The following FHIT variants were observed in gnomAD, a reference collection of about 807,000 sequenced individuals.
The protein encoded by FHIT is bis(5'-adenosyl)-triphosphatase.
A neutral mutation model predicts 17.9 loss-of-function variants in FHIT; 19 were observed. That is an observed-to-expected ratio of 1.06 (90% CI 0.74 to 1.56). The LOEUF (loss-of-function observed/expected upper bound fraction) is 1.56, where lower values mean the gene tolerates loss of function less well. FHIT is among the 40% of genes most tolerant of loss of function. The probability of loss-of-function intolerance (pLI) is 0.00; values close to 1 mark genes in which losing one functional copy is unlikely to be tolerated. For synonymous variants in FHIT, 81 were observed against 69.7 expected, an observed-to-expected ratio of 1.16 and a Z score of -0.81; for missense variants, 248 against 189.2, an observed-to-expected ratio of 1.31 and a Z score of -1.82.
intron 3 of FHIT, among the ~76,000 whole-genome samples, chr3:60,879,367 G>C (rs1255646197): frequency 6.6e-6 from 1 of 152,182 alleles, no homozygotes; most frequent in Non-Finnish European, 1.5e-5. Context: ...TGGAAACAAA[G>C]TCACCACACT....
At chr3:60,865,031 T>C (rs1445997503) in intron 3 of FHIT, among the ~76,000 whole-genome samples, 2 of 151,842 alleles carry the variant, frequency 1.3e-5, no homozygotes, top group African/African-American at 4.8e-5. Context: ...TAAATCATAA[T>C]AAAATAAAAT....
chr3:60,169,862 T>A (rs571261148), intron 5 of FHIT, among the ~76,000 whole-genome samples: 1 of 152,160 alleles, frequency 6.6e-6, no homozygotes, highest in African/African-American at 2.4e-5. Context: ...GGAGGTAGAA[T>A]AAAAATGGAA....
chr3:60,700,311 C>A (rs2041216402), intron 4 of FHIT, among the ~76,000 whole-genome samples: 1 of 152,106 alleles, frequency 6.6e-6, no homozygotes, highest in Admixed American at 6.6e-5. Context: ...CCAGTACATA[C>A]AAACAGGTTT....
chr3:60,220,421 G>T (rs1703908363), intron 5 of FHIT, among the ~76,000 whole-genome samples: 2 of 151,774 alleles, frequency 1.3e-5, no homozygotes, highest in Admixed American at 6.6e-5. Context: ...TGGAAATAAT[G>T]CCCAAGAGAT....
chr3:60,780,289 AAG>A, intron 4 of FHIT, among the ~76,000 whole-genome samples: 1 of 152,100 alleles, frequency 6.6e-6, no homozygotes, highest in East Asian at 1.9e-4. Context: ...TCCATACTAC[AAG>A]GCACTCTCCT....
At chr3:60,495,271 G>A (rs1280982051) in intron 5 of FHIT, among the ~76,000 whole-genome samples, 1 of 151,938 alleles carries the variant, frequency 6.6e-6, no homozygotes, top group Non-Finnish European at 1.5e-5. Flanking sequence ...TTTAGTGTAT[G>A]GTTTCTTTCA....
At chr3:60,514,252 T>C (rs748632427) in intron 5 of FHIT, among the ~76,000 whole-genome samples, 2 of 152,246 alleles carry the variant, frequency 1.3e-5, no homozygotes, top group Non-Finnish European at 2.9e-5. Context: ...TGTCTGTGGA[T>C]GGCAAGGCTA....
At chr3:60,646,489 A>G (rs1005727368) in intron 4 of FHIT, among the ~76,000 whole-genome samples, 12 of 152,288 alleles carry the variant, frequency 7.9e-5, no homozygotes, top group Middle Eastern at 3.4e-3. Flanking sequence ...TTCACAATAA[A>G]ATGACATTTT....
At chr3:59,752,409 A>C (rs531412257) in intron 8 of FHIT, 88 bp from the exon 9 acceptor site, 2 of 895,108 alleles carry the variant, frequency 2.2e-6, no homozygotes, top group East Asian at 2.6e-5. Context: ...AGACTGAACA[A>C]AATTTGCAAA....
chr3:61,148,103 T>C (rs1448646888), intron 2 of FHIT, among the ~76,000 whole-genome samples: 1 of 151,812 alleles, frequency 6.6e-6, no homozygotes, highest in African/African-American at 2.4e-5. Flanking sequence ...AAGTTATTTA[T>C]GTGATGAGAC....
intron 5 of FHIT, among the ~76,000 whole-genome samples, chr3:60,063,911 G>T (rs1402088819): frequency 6.6e-6 from 1 of 152,126 alleles, no homozygotes; most frequent in Non-Finnish European, 1.5e-5. Flanking sequence ...AGAATAATGA[G>T]GTAGGTCTGC....
chr3:59,765,628 G>C (rs1360651746), intron 8 of FHIT, among the ~76,000 whole-genome samples: 1 of 152,218 alleles, frequency 6.6e-6, no homozygotes. Flanking sequence ...TCCCAGGATT[G>C]CTCTGGCATT....
At chr3:60,465,456 T>A (rs2032732062) in intron 5 of FHIT, among the ~76,000 whole-genome samples, 2 of 152,244 alleles carry the variant, frequency 1.3e-5, no homozygotes, top group South Asian at 4.1e-4. Flanking sequence ...ACTCAAGAAA[T>A]CTTTGCCAAG....
At chr3:60,958,142 T>C (rs1304554739) in intron 3 of FHIT, among the ~76,000 whole-genome samples, 1 of 152,220 alleles carries the variant, frequency 6.6e-6, no homozygotes, top group Non-Finnish European at 1.5e-5. Flanking sequence ...CTTTCAAGAA[T>C]CTGTGCTTAT....
At chr3:60,626,883 T>C (rs2039304085) in intron 4 of FHIT, among the ~76,000 whole-genome samples, 1 of 151,962 alleles carries the variant, frequency 6.6e-6, no homozygotes, top group South Asian at 2.1e-4. Flanking sequence ...TTCTATTTCC[T>C]TGAGTGTTTT....
intron 7 of FHIT, among the ~76,000 whole-genome samples, chr3:59,986,690 T>C (rs1708946638): frequency 1.6e-4 from 2 of 12,654 alleles, no homozygotes; most frequent in South Asian, 4.2e-3. Flanking sequence ...ACATATTTAG[T>C]TTTATATATA....
chr3:59,857,954 C>T (rs1203919719), intron 8 of FHIT, among the ~76,000 whole-genome samples: 1 of 152,158 alleles, frequency 6.6e-6, no homozygotes, highest in East Asian at 1.9e-4. Context: ...GGTCCCCTGA[C>T]ACCACTGCCC....
In FHIT at chr3:60,014,147, G is replaced by A. The variant is rs1378708754; in HGVS notation, c.109C>T (p.Leu37Phe). The change falls in exon 6 of 10, where the codon CTT (leucine) becomes TTT (phenylalanine). Residue 37 changes from leucine (L) to phenylalanine (F), a missense_variant. Transcript: ENST00000492590. ...NRKPVVPGHV[L>F]VCPLRPVERF... ...TCCACTGGCCGCAGCGGGCACACAAGGACATCTGTAGCAAGGTCTGTTAAG... is the reference window on the plus strand; with the variant it reads ...TCCACTGGCCGCAGCGGGCACACAAAGACATCTGTAGCAAGGTCTGTTAAG... 4.3e-6 allele frequency: 7 copies of A among 1,613,860 alleles called. No individual in the cohort carries two copies. In the African/African-American group the frequency reaches 5.3e-5, roughly 12 times the overall value.
In FHIT at chr3:60,444,324, C is replaced by A. The variant is rs1576664889; in HGVS notation, c.103+92536G>T. On this transcript the variant is annotated intron_variant, in intron 5 of 9. Transcript: ENST00000492590. ...ATCTAGAACTAGAAATACCATTTGA[C>A]CCAGCCATCCCATTACTGGGTATAT... Among the ~76,000 whole-genome samples the A allele has an allele frequency of 2.0e-5, 3 of 152,246 alleles. No individual in the cohort carries two copies. In the East Asian group the frequency reaches 5.8e-4, roughly 29 times the overall value.
Sources: gnomAD v4.1 joint callset for allele counts (sites outside exome capture counted in the v4.1 genomes callset) on GRCh38, gnomAD v4.1.1 for gene constraint, MANE v1.5 for transcripts, NCBI Gene and HGNC (gene_info 2026-07-23, HGNC 2026-07-21) for gene names.